The following OR56A3 variants were observed in gnomAD, a reference collection of about 807,000 sequenced individuals.
The protein encoded by OR56A3 is olfactory receptor 56A3.
In OR56A3, 23 loss-of-function variants were observed where a neutral mutation model predicts 17.5. The ratio of observed to expected loss-of-function variants is 1.32; its 90% CI spans 0.95 to 1.87. OR56A3 has a LOEUF of 1.87. Ranked by LOEUF, OR56A3 falls within the 40% of genes most tolerant of loss-of-function variation. The probability of loss-of-function intolerance (pLI) is 0.00; values close to 1 mark genes in which losing one functional copy is unlikely to be tolerated. For missense variants in OR56A3, 366 were observed against 380.1 expected, an observed-to-expected ratio of 0.96 and a Z score of 0.31; for synonymous variants, 175 against 150.6, an observed-to-expected ratio of 1.16 and a Z score of -1.19.
In OR56A3 at chr11:5,948,235, G is replaced by T; in HGVS notation, c.889G>T (p.Gly297Trp). The change falls in exon 3 of 3, where the codon GGG (glycine) becomes TGG (tryptophan). Residue 297 changes from glycine (G) to tryptophan (W), a missense_variant. By Grantham distance (184) the Gly-to-Trp change is radical. Transcript: ENST00000641160. ...IPAALNPIIY[G>W]VRTQEIKQGM... ...TGCAGCCCTTAACCCCATCATTTAC[G>T]GGGTGAGAACCCAAGAAATTAAGCA... 1 of 1,614,182 alleles carries T rather than the reference G, an allele frequency of 6.2e-7. No homozygotes were observed. The highest frequency in any genetic ancestry group is 2.2e-5 in the East Asian group (1 of 44,892).
chr11:5,993,856 T>C, the OR56A3 span: 2 of 467,932 alleles, frequency 4.3e-6, no homozygotes, highest in African/African-American at 2.0e-5. Flanking sequence ...CCCTAAAGGG[T>C]ACTCTGCCTC....
the OR56A3 span, chr11:5,986,967 A>T: frequency 1.3e-6 from 2 of 1,591,308 alleles, no homozygotes; most frequent in Non-Finnish European, 1.7e-6. Flanking sequence ...ACATTGTCCA[A>T]ATGGGGCAAC....
chr11:5,996,245 T>G, the OR56A3 span, among the ~76,000 whole-genome samples: 1 of 152,228 alleles, frequency 6.6e-6, no homozygotes, highest in African/African-American at 2.4e-5. Context: ...TGTGTGTGTA[T>G]ATATTACATG....
chr11:5,981,724 A>G, the OR56A3 span, among the ~76,000 whole-genome samples: 1 of 152,148 alleles, frequency 6.6e-6, no homozygotes, highest in Non-Finnish European at 1.5e-5. Context: ...TTTGGAGGTA[A>G]GAAGATACCC....
the OR56A3 span, chr11:5,968,325 G>C: frequency 1.9e-6 from 3 of 1,613,100 alleles, no homozygotes; most frequent in African/African-American, 2.7e-5. Context: ...CTGGTGCAGA[G>C]AGGCTTCCAG....
chr11:5,989,634 G>A, the OR56A3 span, among the ~76,000 whole-genome samples: 1 of 152,040 alleles, frequency 6.6e-6, no homozygotes, highest in Non-Finnish European at 1.5e-5. Flanking sequence ...GTAGGGGAGG[G>A]TGGGAGGTGG....
the OR56A3 span, among the ~76,000 whole-genome samples, chr11:6,017,435 A>G: frequency 1.3e-5 from 2 of 152,230 alleles, no homozygotes; most frequent in African/African-American, 4.8e-5. Flanking sequence ...ATCAAGTCAC[A>G]TCTAAGGGAG....
At chr11:5,961,752 T>TAA in the OR56A3 span, among the ~76,000 whole-genome samples, 4,301 of 134,398 alleles carry the variant, frequency 0.032, 113 homozygotes, top group African/African-American at 0.062. Flanking sequence ...AATAAATACT[T>TAA]AAAAAAAAAA....
the OR56A3 span, among the ~76,000 whole-genome samples, chr11:6,004,265 C>T: frequency 6.6e-6 from 1 of 152,170 alleles, no homozygotes; most frequent in Non-Finnish European, 1.5e-5. Flanking sequence ...GACAGAATTG[C>T]TTGAACCAGA....
At chr11:5,945,296 C>T (rs1901842) in intron 2 of OR56A3, among the ~76,000 whole-genome samples, 42,852 of 151,848 alleles carry the variant, frequency 0.28, 6,151 homozygotes, top group South Asian at 0.38. Flanking sequence ...TGGGTTTGGC[C>T]GGGCACGGTG....
chr11:6,002,374 A>T, the OR56A3 span: 4 of 1,614,228 alleles, frequency 2.5e-6, no homozygotes, highest in Non-Finnish European at 3.4e-6. Context: ...AACAGAGTCC[A>T]GCCTGCCACA....
chr11:5,960,339 C>T, the OR56A3 span, among the ~76,000 whole-genome samples: 3 of 152,092 alleles, frequency 2.0e-5, no homozygotes, highest in African/African-American at 4.8e-5. Context: ...GCCACCATCT[C>T]GGCTCACTGC....
chr11:6,008,645 G>T, the OR56A3 span, among the ~76,000 whole-genome samples: 1 of 151,858 alleles, frequency 6.6e-6, no homozygotes, highest in Non-Finnish European at 1.5e-5. Flanking sequence ...TGAGGATAAT[G>T]AACCTTTCAA....
the OR56A3 span, chr11:5,986,497 C>T: frequency 6.2e-7 from 1 of 1,613,908 alleles, no homozygotes; most frequent in African/African-American, 1.3e-5. Context: ...CAAGGGGTGA[C>T]AAATGGCTAC....
the OR56A3 span, among the ~76,000 whole-genome samples, chr11:5,962,401 C>A: frequency 1.3e-5 from 2 of 152,092 alleles, no homozygotes; most frequent in African/African-American, 4.8e-5. Context: ...GTAATGCTGA[C>A]CTCTTACAAT....
At chr11:5,990,531 G>A in the OR56A3 span, among the ~76,000 whole-genome samples, 70,827 of 151,954 alleles carry the variant, frequency 0.47, 17,407 homozygotes, top group East Asian at 0.63. Context: ...CTTCTAGCAG[G>A]AAGAGAGGCT....
At chr11:6,015,332 C>T in the OR56A3 span, among the ~76,000 whole-genome samples, 5 of 152,012 alleles carry the variant, frequency 3.3e-5, no homozygotes, top group East Asian at 1.9e-4. Flanking sequence ...CTGCTGTCTG[C>T]ATCCCAGCTG....
At chr11:5,955,176 G>C (rs1847926203), downstream of OR56A3, among the ~76,000 whole-genome samples, 1 of 152,148 alleles carries the variant, frequency 6.6e-6, no homozygotes, top group Non-Finnish European at 1.5e-5. Context: ...AATTGCTGAA[G>C]TGGCCATTAA....
the OR56A3 span, among the ~76,000 whole-genome samples, chr11:5,989,949 T>C: frequency 6.6e-6 from 1 of 152,240 alleles, no homozygotes; most frequent in African/African-American, 2.4e-5. Context: ...TGTTGTTCAA[T>C]TGGTACTTAT....
Sources: allele counts gnomAD v4.1 joint callset (sites outside exome capture counted in the v4.1 genomes callset), GRCh38; gene constraint gnomAD v4.1.1; transcripts MANE v1.5; gene names NCBI Gene and HGNC (gene_info 2026-07-23, HGNC 2026-07-21).